The following GRIP1 variants were observed in gnomAD, a reference collection of about 807,000 sequenced individuals.
The protein encoded by GRIP1 is glutamate receptor-interacting protein 1.
GRIP1 carries 45 observed loss-of-function variants against 129.9 expected under a neutral mutation model. The ratio of observed to expected loss-of-function variants is 0.35; its 90% CI spans 0.27 to 0.44. The LOEUF (loss-of-function observed/expected upper bound fraction) is 0.44, where lower values mean the gene tolerates loss of function less well. GRIP1 is among the 20% of genes least tolerant of loss of function. The pLI, the probability that GRIP1 is intolerant of heterozygous loss-of-function variation, is 1.00. For missense variants in GRIP1, 1,196 were observed against 1,396.8 expected, an observed-to-expected ratio of 0.86 and a Z score of 2.29; for synonymous variants, 530 against 520.8, an observed-to-expected ratio of 1.02 and a Z score of -0.24.
chr12:66,771,409 A>G (rs1352638212), intron 1 of GRIP1, among the ~76,000 whole-genome samples: 1 of 152,208 alleles, frequency 6.6e-6, no homozygotes, highest in Non-Finnish European at 1.5e-5. Flanking sequence ...GACACAACAC[A>G]CACATAGATA....
At chr12:66,731,418 C>A (rs2036433735) in intron 1 of GRIP1, among the ~76,000 whole-genome samples, 1 of 152,138 alleles carries the variant, frequency 6.6e-6, no homozygotes, top group East Asian at 1.9e-4. Context: ...GGTGCTATAA[C>A]CACATAAGAT....
intron 2 of GRIP1, among the ~76,000 whole-genome samples, chr12:66,567,090 G>C (rs1219571320): frequency 1.3e-5 from 2 of 152,000 alleles, no homozygotes; most frequent in Non-Finnish European, 2.9e-5. Flanking sequence ...TGGATTCATT[G>C]ATTTTTTGAA....
At chr12:66,612,228 A>ACTT (rs2064831613) in intron 1 of GRIP1, among the ~76,000 whole-genome samples, 1 of 152,180 alleles carries the variant, frequency 6.6e-6, no homozygotes, top group African/African-American at 2.4e-5. Flanking sequence ...ATCAGAGTGT[A>ACTT]CTTACACAAT....
At chr12:66,935,884 T>C (rs1008060717) in intron 1 of GRIP1, among the ~76,000 whole-genome samples, 1 of 152,154 alleles carries the variant, frequency 6.6e-6, no homozygotes, top group Non-Finnish European at 1.5e-5. Context: ...TAAAGGTGCA[T>C]ACTATTAAGT....
upstream of GRIP1, among the ~76,000 whole-genome samples, chr12:66,807,546 C>T (rs928938856): frequency 4.6e-5 from 7 of 152,074 alleles, no homozygotes; most frequent in Admixed American, 1.3e-4. Flanking sequence ...TGGTGGCGGG[C>T]GCCTGTAGTC....
At chr12:66,920,111 T>G (rs2041188741) in intron 1 of GRIP1, among the ~76,000 whole-genome samples, 1 of 152,208 alleles carries the variant, frequency 6.6e-6, no homozygotes, top group Non-Finnish European at 1.5e-5. Flanking sequence ...TCAATTTGAA[T>G]AATAAAACAC....
chr12:66,624,533 T>C (rs1223009712), intron 1 of GRIP1, among the ~76,000 whole-genome samples: 1 of 152,166 alleles, frequency 6.6e-6, no homozygotes, highest in East Asian at 1.9e-4. Context: ...TCTCTCTGAA[T>C]GCATTAGAGA....
At chr12:66,788,165 A>C (rs1006229354) in intron 1 of GRIP1, among the ~76,000 whole-genome samples, 2 of 152,114 alleles carry the variant, frequency 1.3e-5, no homozygotes, top group Admixed American at 1.3e-4. Flanking sequence ...ACAGAACAGA[A>C]TTCTGCTGCA....
chr12:67,055,560 A>G (rs545950092), intron 1 of GRIP1, among the ~76,000 whole-genome samples: 35 of 152,342 alleles, frequency 2.3e-4, no homozygotes, highest in Non-Finnish European at 4.3e-4. Flanking sequence ...TTACATTGTT[A>G]AAAGTTACTG....
chr12:66,402,198 T>C (rs1406646849), intron 16 of GRIP1, among the ~76,000 whole-genome samples: 1 of 152,238 alleles, frequency 6.6e-6, no homozygotes, highest in African/African-American at 2.4e-5. Context: ...CTGAAATGGA[T>C]GCCTTCACAT....
At chr12:66,856,072 T>C (rs975448822) in intron 1 of GRIP1, among the ~76,000 whole-genome samples, 1 of 151,878 alleles carries the variant, frequency 6.6e-6, no homozygotes, top group Non-Finnish European at 1.5e-5. Context: ...AATACTTAAA[T>C]CAAAAGTGAA....
chr12:66,586,069 C>A (rs1410049418), intron 2 of GRIP1, among the ~76,000 whole-genome samples: 1 of 152,152 alleles, frequency 6.6e-6, no homozygotes, highest in Non-Finnish European at 1.5e-5. Context: ...ACCACATGCT[C>A]CCTCTGGCCA....
At chr12:66,679,165 C>T, upstream of GRIP1, 5 of 1,384,192 alleles carry the variant, frequency 3.6e-6, no homozygotes, top group Non-Finnish European at 3.7e-6. Context: ...GAAAGTAATG[C>T]CGTTTCGATA....
chr12:66,434,106 G>C (rs566521568), intron 13 of GRIP1, among the ~76,000 whole-genome samples: 6 of 152,282 alleles, frequency 3.9e-5, no homozygotes, highest in Admixed American at 3.9e-4. Context: ...CACAAGACCA[G>C]AATCTGATTT....
intron 24 of GRIP1, among the ~76,000 whole-genome samples, chr12:66,352,345 C>T (rs1460481134): frequency 6.6e-6 from 1 of 152,100 alleles, no homozygotes; most frequent in African/African-American, 2.4e-5. Flanking sequence ...GCATGTTTAG[C>T]AGAGAAGCGC....
chr12:66,391,684 T>A (rs995197273), intron 19 of GRIP1, among the ~76,000 whole-genome samples: 7 of 152,092 alleles, frequency 4.6e-5, no homozygotes, highest in Non-Finnish European at 8.8e-5. Context: ...AGACCCCGTA[T>A]CTACAAAAAT....
intron 1 of GRIP1, among the ~76,000 whole-genome samples, chr12:67,018,311 G>T (rs533316466): frequency 6.6e-6 from 1 of 152,094 alleles, no homozygotes; most frequent in Non-Finnish European, 1.5e-5. Flanking sequence ...ATGGAGGAGC[G>T]CCTCCAAGTG....
intron 15 of GRIP1, among the ~76,000 whole-genome samples, chr12:66,411,969 T>C (rs554871831): frequency 6.6e-6 from 1 of 152,000 alleles, no homozygotes; most frequent in African/African-American, 2.4e-5. Context: ...CCTCCAAAAA[T>C]ATGGGATTAT....
chr12:66,588,644 G>A (rs1046997322), intron 2 of GRIP1, among the ~76,000 whole-genome samples: 2 of 152,090 alleles, frequency 1.3e-5, no homozygotes, highest in Admixed American at 1.3e-4. Context: ...TTCTAGCCCT[G>A]TAATTTTAGA....
Sources: gnomAD v4.1 joint callset for allele counts (sites outside exome capture counted in the v4.1 genomes callset) on GRCh38, gnomAD v4.1.1 for gene constraint, MANE v1.5 for transcripts, NCBI Gene and HGNC (gene_info 2026-07-23, HGNC 2026-07-21) for gene names.